The following FAT3 variants were observed in gnomAD, a reference collection of about 807,000 sequenced individuals.
FAT3 encodes FAT atypical cadherin 3.
Under a neutral mutation model 310.2 loss-of-function variants are expected in FAT3, and 95 were observed. The ratio of observed to expected loss-of-function variants is 0.31; its 90% CI spans 0.26 to 0.36. The LOEUF is 0.36. FAT3 is among the 10% of genes least tolerant of loss of function. FAT3 has a pLI of 1.00. For missense variants in FAT3, 5,408 were observed against 5,715.6 expected, an observed-to-expected ratio of 0.95 and a Z score of 1.74; for synonymous variants, 2,314 against 2,192.9, an observed-to-expected ratio of 1.06 and a Z score of -1.54.
chr11:92,651,419 G>A (rs1942377014), intron 3 of FAT3, among the ~76,000 whole-genome samples: 1 of 152,186 alleles, frequency 6.6e-6, no homozygotes, highest in African/African-American at 2.4e-5. Context: ...GCACAGTATG[G>A]AACATGCTTT....
chr11:92,823,895 T>TGG (rs1230624491), intron 13 of FAT3, among the ~76,000 whole-genome samples: 2 of 152,214 alleles, frequency 1.3e-5, no homozygotes, highest in African/African-American at 4.8e-5. Flanking sequence ...GGCCTCTTCA[T>TGG]GGCAACTTCC....
chr11:92,315,526 G>T (rs1476139135), intron 1 of FAT3, among the ~76,000 whole-genome samples: 129 of 137,036 alleles, frequency 9.4e-4, no homozygotes, highest in Non-Finnish European at 1.5e-3. Flanking sequence ...GAGAGAGAGA[G>T]AGAGAGAGAG....
At chr11:92,459,146 A>C (rs1487540434) in intron 2 of FAT3, among the ~76,000 whole-genome samples, 1 of 152,154 alleles carries the variant, frequency 6.6e-6, no homozygotes, top group African/African-American at 2.4e-5. Flanking sequence ...TGTGAGTAAC[A>C]CAGTCCATGA....
chr11:92,847,597 C>T (rs1026956797), intron 19 of FAT3, among the ~76,000 whole-genome samples: 1 of 152,112 alleles, frequency 6.6e-6, no homozygotes, highest in Non-Finnish European at 1.5e-5. Flanking sequence ...TTACTAAATG[C>T]CCATTGCTGA....
Position 92,889,869 on chromosome 11 carries a change from C to T in FAT3, c.13125C>T (p.Asp4375=). 4.2e-6 allele frequency: 3 copies of T among 718,028 alleles called. No individual in the cohort carries two copies. The highest frequency in any genetic ancestry group is 7.8e-6 in the Non-Finnish European group (3 of 385,220). The allele number at this position is 718,028 out of a possible 1,614,324, so 44.5% of individuals were successfully genotyped here. ...DTIENEVSVM[D]QGQNYNRAYH... ...GTATTTAAACAGTGTCTGTCATGGA[C>T]CAAGGACAGAACTACAACCGAGGTG... The change falls in exon 27 of 28, where the codon GAC becomes GAT. Residue 4375 remains aspartate, a synonymous_variant. Coordinates refer to ENST00000525166, the MANE Select transcript of FAT3 (RefSeq NM_001367949.2).
chr11:92,773,437 T>G (rs916107338), intron 6 of FAT3, among the ~76,000 whole-genome samples: 1 of 152,212 alleles, frequency 6.6e-6, no homozygotes, highest in African/African-American at 2.4e-5. Context: ...TAATTTACAC[T>G]ACCAAGATGG....
At chr11:92,460,263 C>T (rs1489965621) in intron 2 of FAT3, among the ~76,000 whole-genome samples, 3 of 152,150 alleles carry the variant, frequency 2.0e-5, no homozygotes, top group Non-Finnish European at 4.4e-5. Context: ...TGGTCCCTGG[C>T]AGCTTGTTGA....
intron 21 of FAT3, among the ~76,000 whole-genome samples, chr11:92,859,749 TAGGAG>T (rs1430141814): frequency 6.6e-6 from 1 of 152,164 alleles, no homozygotes; most frequent in African/African-American, 2.4e-5. Context: ...ACAGGGGGTA[TAGGAG>T]ATTTCGTATG....
rs1218618319 is a variant in FAT3 at position 92,761,996 on chromosome 11, G to A, written c.3810G>A (p.Lys1270=). The stretch of plus-strand genomic sequence containing the variant: ...AGCTGCCAGAACGTGACCGAAAGAA[G>A]AGAGGAGAACCGATTTACAGGGCTT... ...QIKLPERDRK[K]RGEPIYRAFA... Residue 1270 remains lysine (K), a synonymous_variant, in exon 5 of 28, where the codon AAG becomes AAA. Coordinates refer to ENST00000525166, the MANE Select transcript of FAT3 (RefSeq NM_001367949.2). 5.6e-6 allele frequency: 9 copies of A among 1,613,868 alleles called. No homozygotes were observed. The highest frequency in any genetic ancestry group is 8.5e-7 in the Non-Finnish European group (1 of 1,179,886).
intron 3 of FAT3, among the ~76,000 whole-genome samples, chr11:92,570,400 T>C (rs1955630528): frequency 6.6e-6 from 1 of 152,170 alleles, no homozygotes; most frequent in South Asian, 2.1e-4. Context: ...AAGCATGGTG[T>C]TGGATAATCA....
At chr11:92,547,676 C>A (rs1190707186) in intron 3 of FAT3, among the ~76,000 whole-genome samples, 1 of 152,076 alleles carries the variant, frequency 6.6e-6, no homozygotes, top group Non-Finnish European at 1.5e-5. Flanking sequence ...TATGTAGAGA[C>A]CCCAGGCCCA....
At chr11:92,796,567 C>A (rs890203237) in intron 9 of FAT3, among the ~76,000 whole-genome samples, 14 of 152,104 alleles carry the variant, frequency 9.2e-5, no homozygotes, top group African/African-American at 3.4e-4. Flanking sequence ...AAATTATATA[C>A]CTATCATACT....
chr11:92,507,188 C>T (rs1368575459), intron 2 of FAT3, among the ~76,000 whole-genome samples: 2 of 152,022 alleles, frequency 1.3e-5, no homozygotes, highest in East Asian at 3.9e-4. Flanking sequence ...GAATACAAGG[C>T]GGGATGTGTG....
intron 1 of FAT3, among the ~76,000 whole-genome samples, chr11:92,306,665 A>G (rs1381576205): frequency 8.1e-6 from 1 of 123,356 alleles, no homozygotes; most frequent in African/African-American, 3.1e-5. Context: ...ATATATATAT[A>G]AAGTGGAGAG....
At chr11:92,433,255 C>G (rs750440926) in intron 2 of FAT3, among the ~76,000 whole-genome samples, 28 of 152,146 alleles carry the variant, frequency 1.8e-4, no homozygotes, top group Non-Finnish European at 1.5e-4. Context: ...TTCTGTCTCA[C>G]TGGCATTCCA....
At chr11:92,886,577 C>G (rs1949801987) in intron 24 of FAT3, among the ~76,000 whole-genome samples, 1 of 152,168 alleles carries the variant, frequency 6.6e-6, no homozygotes, top group African/African-American at 2.4e-5. Flanking sequence ...GCATTCTTGC[C>G]TATAAAATAT....
intron 2 of FAT3, among the ~76,000 whole-genome samples, chr11:92,386,619 T>A (rs371390668): frequency 1.8e-4 from 28 of 152,336 alleles, no homozygotes; most frequent in African/African-American, 5.8e-4. Flanking sequence ...GTTGAATGAA[T>A]GGATGTCAGT....
At chr11:92,518,821 T>C (rs765101823) in intron 2 of FAT3, among the ~76,000 whole-genome samples, 6 of 152,016 alleles carry the variant, frequency 3.9e-5, no homozygotes, top group Non-Finnish European at 8.8e-5. Context: ...ACATGAAATG[T>C]TTAGGGATAA....
At chr11:92,442,107 A>ATTTTTTTTTTTTT (rs1565320189) in intron 2 of FAT3, among the ~76,000 whole-genome samples, 2 of 49,862 alleles carry the variant, frequency 4.0e-5, no homozygotes, top group African/African-American at 2.9e-4. Flanking sequence ...ATATATATAT[A>ATTTTTTTTTTTTT]TATATTTTTT....
Sources: gnomAD v4.1 joint callset for allele counts (sites outside exome capture counted in the v4.1 genomes callset) on GRCh38, gnomAD v4.1.1 for gene constraint, MANE v1.5 for transcripts, NCBI Gene and HGNC (gene_info 2026-07-23, HGNC 2026-07-21) for gene names.